The following ETNK2 variants were observed in gnomAD, a reference collection of about 807,000 sequenced individuals.
The protein encoded by ETNK2 is ethanolamine kinase-like protein.
A neutral mutation model predicts 46.2 loss-of-function variants in ETNK2; 33 were observed. That is an observed-to-expected ratio of 0.71 (90% CI 0.54 to 0.96). ETNK2 has a LOEUF of 0.96. Ranked by LOEUF, ETNK2 falls within the 40% of genes least tolerant of loss-of-function variation. The pLI is 0.00. For synonymous variants in ETNK2, 194 were observed against 209.0 expected (o/e 0.93, Z 0.62); for missense variants, 445 against 509.7 (o/e 0.87, Z 1.22).
chr1:204,143,867 C>T (rs1354638839), intron 3 of ETNK2, among the ~76,000 whole-genome samples: 1 of 152,184 alleles, frequency 6.6e-6, no homozygotes, highest in Non-Finnish European at 1.5e-5. Context: ...TTCTCCCAGC[C>T]ACTCTGGACA....
chr1:204,147,407 T>C (rs1657830645), intron 2 of ETNK2: 2 of 532,614 alleles, frequency 3.8e-6, no homozygotes, highest in South Asian at 1.4e-5. Flanking sequence ...CAGGAGAGGA[T>C]TGGGTGGTAG....
Position 204,132,107 on chromosome 1 carries a change from G to A in ETNK2, c.*77C>T. The A allele has an allele frequency of 8.5e-7, 1 of 1,178,492 alleles. No homozygotes were observed. Among genetic ancestry groups the A allele is most frequent in the Non-Finnish European group, 1.2e-6 (1 of 807,902 alleles). The allele number at this position is 1,178,492 out of a possible 1,614,324, so 73.0% of individuals were successfully genotyped here. ...CTCTCCCACCCTGTCCAAGGGTGTGGATCCCAGAGTGCAGAATTGAGCTCT... is the reference window on the plus strand; with the variant it reads ...CTCTCCCACCCTGTCCAAGGGTGTGAATCCCAGAGTGCAGAATTGAGCTCT... On this transcript the variant is annotated 3_prime_UTR_variant, in exon 8 of 8. Transcript: ENST00000367202.
At chr1:204,139,129 C>T (rs1167460521) in intron 5 of ETNK2, among the ~76,000 whole-genome samples, 1 of 152,152 alleles carries the variant, frequency 6.6e-6, no homozygotes, top group Non-Finnish European at 1.5e-5. Flanking sequence ...AGCCAGTAAG[C>T]AGCAAAGCCA....
chr1:204,135,384 C>T (rs556923436), intron 6 of ETNK2, among the ~76,000 whole-genome samples: 139 of 152,122 alleles, frequency 9.1e-4, no homozygotes, highest in African/African-American at 3.1e-3. Flanking sequence ...GGCAGGTTAC[C>T]TATATAACAA....
Position 204,146,724 on chromosome 1 carries a change from C to A in ETNK2, c.559G>T (p.Ala187Ser). Residue 187 changes from alanine to serine, a missense_variant, in exon 3 of 8, where the codon GCC becomes TCC. Coordinates refer to ENST00000367202, the MANE Select transcript of ETNK2 (RefSeq NM_018208.4). ...LEMAKIHTIH[A>S]NGSLPKPILW... ...ATGGGCTTGGGCAGGCTGCCGTTGGCGTGGATAGTATGAATCTTTGCCATT... is the reference window on the plus strand; with the variant it reads ...ATGGGCTTGGGCAGGCTGCCGTTGGAGTGGATAGTATGAATCTTTGCCATT... 1 of 1,613,988 alleles carries A rather than the reference C, an allele frequency of 6.2e-7. No homozygotes were observed. Among genetic ancestry groups the A allele is most frequent in the Non-Finnish European group, 8.5e-7 (1 of 1,179,890 alleles).
intron 6 of ETNK2, 175 bp from the exon 7 acceptor site, chr1:204,134,763 G>A: frequency 7.0e-7 from 1 of 1,436,440 alleles, no homozygotes; most frequent in Non-Finnish European, 9.5e-7. Context: ...TCACTGCACA[G>A]CATTTGGCGC....
intron 2 of ETNK2, 115 bp from the exon 3 acceptor site, chr1:204,146,879 C>A (rs1031934367): frequency 7.5e-7 from 1 of 1,333,900 alleles, no homozygotes; most frequent in Non-Finnish European, 1.1e-6. Context: ...TGCCAGAGGG[C>A]CAAGGATGGG....
In ETNK2 at chr1:204,151,146, C is replaced by T. The variant is rs1027831870; in HGVS notation, c.258+449G>A. Reference sequence around the variant, plus strand: ...GGGACCCACAGGGGCAGCTCAGAGCCTGGAGGATTTGCTCCCACCATGGGG... The same window carrying T: ...GGGACCCACAGGGGCAGCTCAGAGCTTGGAGGATTTGCTCCCACCATGGGG... On this transcript the variant is annotated intron_variant, in intron 1 of 7. Transcript: ENST00000367202. The surrounding 1 kb of genome is among the most constrained non-coding windows in gnomAD (Gnocchi z 8.0). The T allele has an allele frequency of 1.4e-5, 3 of 216,638 alleles. No individual in the cohort carries two copies. The highest frequency in any genetic ancestry group is 2.6e-5 in the Non-Finnish European group (3 of 114,048). The allele number at this position is 216,638 out of a possible 1,614,324, so 13.4% of individuals were successfully genotyped here.
chr1:204,137,371 C>T (rs1047922098), intron 5 of ETNK2, 122 bp from the exon 6 acceptor site: 102 of 1,290,684 alleles, frequency 7.9e-5, no homozygotes, highest in Non-Finnish European at 8.1e-5. Context: ...TGGGGCTGTG[C>T]CCAAGGAGGC....
chr1:204,140,602 G>A (rs545483061), intron 4 of ETNK2, among the ~76,000 whole-genome samples: 3 of 151,486 alleles, frequency 2.0e-5, no homozygotes, highest in Admixed American at 2.0e-4. Flanking sequence ...TCGGCTCACT[G>A]CAACCTCTGC....
intron 7 of ETNK2, among the ~76,000 whole-genome samples, chr1:204,133,578 C>T (rs1454098524): frequency 6.6e-6 from 1 of 150,614 alleles, no homozygotes; most frequent in Non-Finnish European, 1.5e-5. Context: ...GTCGCCCAGG[C>T]TGGAGTGCAG....
Position 204,151,541 on chromosome 1 carries a change from C to A in ETNK2, c.258+54G>T, listed in dbSNP as rs1330839947. 1.3e-6 allele frequency: 2 copies of A among 1,544,172 alleles called. No individual in the cohort carries two copies. ...GGATGCGAGGACTGGGTCCCCGCATCCCCCTGGCAGCCCTGGCAGGACCCC... is the reference window on the plus strand; with the variant it reads ...GGATGCGAGGACTGGGTCCCCGCATACCCCTGGCAGCCCTGGCAGGACCCC... On this transcript the variant is annotated intron_variant, in intron 1 of 7. Transcript: ENST00000367202. This position sits in a 1 kb window ranked among gnomAD's most constrained non-coding sequence, Gnocchi z 8.0.
In ETNK2 at chr1:204,149,714, G is replaced by A. The variant is rs763600102; in HGVS notation, c.507C>T (p.Pro169=). The change falls in exon 2 of 8, where the codon CCC becomes CCT. Residue 169 remains proline, a synonymous_variant. Coordinates refer to ENST00000367202, the MANE Select transcript of ETNK2 (RefSeq NM_018208.4). ...GGCACCCTCCTCACCTGAAAAGCCGGGGCTCACGGATGTGCTCAGGCTCCA... is the reference window on the plus strand; with the variant it reads ...GGCACCCTCCTCACCTGAAAAGCCGAGGCTCACGGATGTGCTCAGGCTCCA... ...VALEPEHIRE[P]RLFRLIALEM... is the part of the protein sequence containing the mutation. 4.4e-6 allele frequency: 7 copies of A among 1,589,340 alleles called. No individual in the cohort carries two copies. In the Admixed American group the frequency reaches 5.3e-5, roughly 12 times the overall value.
Position 204,137,255 on chromosome 1 carries a change from G to T in ETNK2, c.869-6C>A, listed in dbSNP as rs566753228. 6.8e-6 allele frequency: 11 copies of T among 1,613,108 alleles called. No individual in the cohort carries two copies. Among genetic ancestry groups the T allele is most frequent in the Admixed American group, 5.0e-5 (3 of 59,942 alleles). On this transcript the variant is annotated splice_polypyrimidine_tract_variant and splice_region_variant and intron_variant, in intron 5 of 7. Transcript: ENST00000367202. ...GTAATCCACCTCATTCACGCCTGAG[G>T]GGGAGGCAGGCCAGACAAAGTTGCT...
intron 2 of ETNK2, among the ~76,000 whole-genome samples, chr1:204,148,930 C>G (rs1657898413): frequency 6.6e-6 from 1 of 152,188 alleles, no homozygotes; most frequent in South Asian, 2.1e-4. Flanking sequence ...GGGCCTCACT[C>G]AAGTCTGAGT....
chr1:204,144,633 C>T (rs571881089), intron 3 of ETNK2, among the ~76,000 whole-genome samples: 8 of 152,256 alleles, frequency 5.3e-5, no homozygotes, highest in South Asian at 2.1e-4. Flanking sequence ...CATGACTTCC[C>T]GCTACTTGCT....
chr1:204,151,957 A>C lies in ETNK2; in HGVS notation c.-105T>G. The stretch of plus-strand genomic sequence containing the variant: ...GAGGAGGGGCCAGGGGAAGTCCATG[A>C]CTCAGGCGCGAGCTGCCCGCTTCGA... On this transcript the variant is annotated 5_prime_UTR_variant, in exon 1 of 8. Transcript: ENST00000367202. The surrounding 1 kb of genome is among the most constrained non-coding windows in gnomAD (Gnocchi z 8.0). The C allele has an allele frequency of 8.3e-7, 1 of 1,203,332 alleles. No homozygotes were observed. Among genetic ancestry groups the C allele is most frequent in the Non-Finnish European group, 1.1e-6 (1 of 938,162 alleles). The allele number at this position is 1,203,332 out of a possible 1,614,324, so 74.5% of individuals were successfully genotyped here. A position where few individuals can be genotyped will look rare whatever the true frequency, so the allele number is the denominator to read the frequency against.
Position 204,151,625 on chromosome 1 carries a change from C to A in ETNK2, c.228G>T (p.Pro76=). 1 of 1,548,694 alleles carries A rather than the reference C, an allele frequency of 6.5e-7. No homozygotes were observed. Among genetic ancestry groups the A allele is most frequent in the Non-Finnish European group, 8.7e-7 (1 of 1,146,062 alleles). The change falls in exon 1 of 8, where the codon CCG becomes CCT. Residue 76 remains proline (P), a synonymous_variant. Coordinates refer to ENST00000367202, the MANE Select transcript of ETNK2 (RefSeq NM_018208.4). This position sits in a 1 kb window ranked among gnomAD's most constrained non-coding sequence, Gnocchi z 8.0. ...GALRLIQELR[P]HWKPEQVRTK... ...TCCGAACTTGCTCGGGTTTCCAATG[C>A]GGCCGCAGCTCCTGGATGAGGCGCA...
intron 7 of ETNK2, among the ~76,000 whole-genome samples, chr1:204,134,113 C>G (rs1311968172): frequency 2.6e-5 from 4 of 152,226 alleles, no homozygotes; most frequent in Non-Finnish European, 5.9e-5. Context: ...ATGGCTTCAG[C>G]AAGTCACTTC....
Sources: gnomAD v4.1 joint callset for allele counts (sites outside exome capture counted in the v4.1 genomes callset) on GRCh38, gnomAD v4.1.1 for gene constraint, Gnocchi (gnomAD v3.1) non-coding constraint, MANE v1.5 for transcripts, NCBI Gene and HGNC (gene_info 2026-07-23, HGNC 2026-07-21) for gene names.